C16orf74: variants seen among roughly 807,000 people sequenced by gnomAD.
C16orf74 encodes uncharacterized protein C16orf74.
In C16orf74, 10 loss-of-function variants were observed where a neutral mutation model predicts 6.5. The observed-to-expected ratio is 1.54, with a 90% CI of 0.95 to 2.61. The LOEUF (loss-of-function observed/expected upper bound fraction) is 2.61. Among genes scored for constraint, C16orf74 ranks in the 30% most tolerant of loss-of-function variants. C16orf74 has a pLI of 0.00. For synonymous variants in C16orf74, 60 were observed against 42.5 expected (o/e 1.41, Z -1.60); for missense variants, 141 against 105.9 (o/e 1.33, Z -1.45).
At chr16:85,708,840 T>C (rs2053938734) in intron 3 of C16orf74, among the ~76,000 whole-genome samples, 1 of 152,138 alleles carries the variant, frequency 6.6e-6, no homozygotes. Flanking sequence ...CAGACAGCCT[T>C]CCATGCACAC....
chr16:85,739,138 G>T (rs938048484), intron 1 of C16orf74, among the ~76,000 whole-genome samples: 2 of 143,458 alleles, frequency 1.4e-5, no homozygotes, highest in Non-Finnish European at 3.0e-5. Context: ...CTTGCCAAGG[G>T]GTCCTGCAGC....
At chr16:85,741,490 T>C (rs565570161) in intron 1 of C16orf74, 2 of 160,766 alleles carry the variant, frequency 1.2e-5, no homozygotes, top group East Asian at 3.8e-4. Context: ...CAGGATGCAG[T>C]GAGGGTCAGG....
intron 2 of C16orf74, among the ~76,000 whole-genome samples, chr16:85,717,206 G>T (rs987449921): frequency 6.6e-6 from 1 of 152,326 alleles, no homozygotes; most frequent in Non-Finnish European, 1.5e-5. Flanking sequence ...GCGGGTGCTG[G>T]CATGGCGAGG....
chr16:85,750,321 G>T (rs865841539), intron 1 of C16orf74, among the ~76,000 whole-genome samples: 1 of 151,886 alleles, frequency 6.6e-6, no homozygotes. Context: ...GCCTATCCCT[G>T]GGGGGAGCTG....
At chr16:85,712,013 G>T (rs1480769051) in intron 2 of C16orf74, among the ~76,000 whole-genome samples, 1 of 152,204 alleles carries the variant, frequency 6.6e-6, no homozygotes, top group Non-Finnish European at 1.5e-5. Flanking sequence ...TCCACGGTGA[G>T]GTCATAAAAG....
rs1036990915 is a variant in C16orf74, at chr16:85,708,579, C to A, written c.173-513G>T. Among the ~76,000 whole-genome samples, 13 of 152,150 alleles carry A rather than the reference C, an allele frequency of 8.5e-5. No individual in the cohort carries two copies. The East Asian group carries it at 2.3e-3, about 27-fold the overall frequency. Reference sequence around the variant, plus strand: ...TGTCCCTCTCTGGACCTGTTTGTTTCCCCATTTCTAAACTAGAGATAAGGG... The same window carrying A: ...TGTCCCTCTCTGGACCTGTTTGTTTACCCATTTCTAAACTAGAGATAAGGG... On this transcript the variant is annotated intron_variant, in intron 3 of 3. Coordinates refer to ENST00000284245, the MANE Select transcript of C16orf74 (RefSeq NM_206967.3).
intron 2 of C16orf74, among the ~76,000 whole-genome samples, chr16:85,712,737 G>C (rs1333083691): frequency 6.6e-6 from 1 of 152,186 alleles, no homozygotes; most frequent in Non-Finnish European, 1.5e-5. Flanking sequence ...CTCCTCTCTG[G>C]GCCCTTTGTG....
chr16:85,712,696 C>T (rs962553618), intron 2 of C16orf74, among the ~76,000 whole-genome samples: 2 of 152,206 alleles, frequency 1.3e-5, no homozygotes, highest in African/African-American at 4.8e-5. Context: ...GGAATCAGGC[C>T]ACCAGCTGTG....
At chr16:85,733,232 G>C (rs533162728) in intron 2 of C16orf74, among the ~76,000 whole-genome samples, 1 of 152,220 alleles carries the variant, frequency 6.6e-6, no homozygotes, top group African/African-American at 2.4e-5. Context: ...GAAAAGGAAC[G>C]AAGCAGTGAT....
intron 2 of C16orf74, among the ~76,000 whole-genome samples, chr16:85,724,659 G>A (rs2054115374): frequency 6.6e-6 from 1 of 152,154 alleles, no homozygotes; most frequent in Admixed American, 6.5e-5. Flanking sequence ...CGGGGATGAT[G>A]GGAATCATGG....
chr16:85,733,914 T>C (rs983217698), intron 2 of C16orf74, among the ~76,000 whole-genome samples: 20 of 152,144 alleles, frequency 1.3e-4, no homozygotes, highest in Admixed American at 7.2e-4. Context: ...AAGATGCACC[T>C]CCCTCCAGGC....
intron 1 of C16orf74, among the ~76,000 whole-genome samples, chr16:85,748,533 G>A (rs1170598735): frequency 3.3e-5 from 5 of 151,990 alleles, no homozygotes; most frequent in Non-Finnish European, 5.9e-5. Context: ...GGGAGGCGGA[G>A]GTTGCAGTGA....
intron 1 of C16orf74, among the ~76,000 whole-genome samples, chr16:85,748,849 G>T (rs2054402706): frequency 6.6e-6 from 1 of 151,968 alleles, no homozygotes; most frequent in African/African-American, 2.4e-5. Context: ...ATCATGGCCT[G>T]AACTAGCTTT....
intron 2 of C16orf74, among the ~76,000 whole-genome samples, chr16:85,717,564 C>T (rs1475947612): frequency 1.3e-5 from 2 of 152,156 alleles, no homozygotes; most frequent in Admixed American, 1.3e-4. Flanking sequence ...CCTCGGGGAG[C>T]CAGCTGGCCG....
chr16:85,716,451 AAG>A (rs1324370677), intron 2 of C16orf74, among the ~76,000 whole-genome samples: 1 of 129,856 alleles, frequency 7.7e-6, no homozygotes, highest in African/African-American at 2.9e-5. Flanking sequence ...GAAGGGAAGG[AAG>A]AGAGGAGGGA....
At chr16:85,735,264 G>A in intron 1 of C16orf74, 29 bp from the exon 2 acceptor site, 2 of 1,530,540 alleles carry the variant, frequency 1.3e-6, no homozygotes, top group South Asian at 1.2e-5. Context: ...GCTGAGAGAG[G>A]GGAGGGCGCG....
intron 2 of C16orf74, among the ~76,000 whole-genome samples, chr16:85,734,501 G>A (rs969355929): frequency 6.6e-6 from 1 of 151,890 alleles, no homozygotes; most frequent in African/African-American, 2.4e-5. Context: ...CACACCACTG[G>A]CCATGGGACA....
intron 1 of C16orf74, among the ~76,000 whole-genome samples, chr16:85,748,559 C>T (rs2054399852): frequency 6.6e-6 from 1 of 152,098 alleles, no homozygotes; most frequent in Non-Finnish European, 1.5e-5. Context: ...GATCACGCCA[C>T]TGCACTCCAG....
intron 1 of C16orf74, among the ~76,000 whole-genome samples, chr16:85,741,400 G>C (rs1262254696): frequency 6.6e-6 from 1 of 152,174 alleles, no homozygotes; most frequent in Non-Finnish European, 1.5e-5. Context: ...AAGGAAGGCA[G>C]GGAGGGAAGG....
Sources: allele counts gnomAD v4.1 joint callset (sites outside exome capture counted in the v4.1 genomes callset), GRCh38; gene constraint gnomAD v4.1.1; transcripts MANE v1.5; gene names NCBI Gene and HGNC (gene_info 2026-07-23, HGNC 2026-07-21).